The following SMARCC1 variants were observed in gnomAD, a reference collection of about 807,000 sequenced individuals.
SMARCC1 encodes SWI/SNF complex subunit SMARCC1.
A neutral mutation model predicts 147.4 loss-of-function variants in SMARCC1; 43 were observed. The observed-to-expected ratio is 0.29, with a 90% CI of 0.23 to 0.38. SMARCC1 has a LOEUF of 0.38. SMARCC1 is among the 10% of genes least tolerant of loss of function. The pLI, the probability that SMARCC1 is intolerant of heterozygous loss-of-function variation, is 1.00. For synonymous variants in SMARCC1, 495 were observed against 484.4 expected (o/e 1.02, Z -0.29); for missense variants, 1,119 against 1,381.1 (o/e 0.81, Z 3.01).
At chr3:47,663,710 G>A in intron 19 of SMARCC1, 1 of 1,499,286 alleles carries the variant, frequency 6.7e-7, no homozygotes, top group East Asian at 2.3e-5. Context: ...CAGGAATCCA[G>A]AGAGTTTCAA....
intron 14 of SMARCC1, among the ~76,000 whole-genome samples, chr3:47,683,711 G>A (rs1290806007): frequency 6.6e-6 from 1 of 151,884 alleles, no homozygotes; most frequent in Non-Finnish European, 1.5e-5. Flanking sequence ...GCAACAGACT[G>A]AGACTCCGTC....
intron 3 of SMARCC1, among the ~76,000 whole-genome samples, chr3:47,743,710 G>A (rs892668487): frequency 2.6e-5 from 4 of 151,810 alleles, no homozygotes; most frequent in Admixed American, 2.0e-4. Flanking sequence ...CTACTCAGGA[G>A]GGTGAGGCAG....
intron 1 of SMARCC1, among the ~76,000 whole-genome samples, chr3:47,776,760 G>A (rs1354252810): frequency 1.3e-5 from 2 of 151,220 alleles, no homozygotes; most frequent in Non-Finnish European, 2.9e-5. Context: ...TAAATATATA[G>A]ATGTAAATAT....
chr3:47,647,601 T>C (rs1243602747), intron 21 of SMARCC1, among the ~76,000 whole-genome samples: 1 of 152,226 alleles, frequency 6.6e-6, no homozygotes, highest in Non-Finnish European at 1.5e-5. Flanking sequence ...TGGATATCTT[T>C]TAAGAGTATA....
At chr3:47,693,382 T>C in intron 11 of SMARCC1, 82 bp from the exon 12 acceptor site, 1 of 772,548 alleles carries the variant, frequency 1.3e-6, no homozygotes, top group Non-Finnish European at 2.2e-6. Flanking sequence ...AGGACATGAT[T>C]AAACGACATG....
chr3:47,595,543 AT>A (rs2032260552), intron 26 of SMARCC1, among the ~76,000 whole-genome samples: 2 of 806 alleles, frequency 2.5e-3, no homozygotes, highest in Admixed American at 0.12. Flanking sequence ...AAATAAATAA[AT>A]AAAATAAAAT....
intron 2 of SMARCC1, among the ~76,000 whole-genome samples, chr3:47,757,439 T>C (rs940125633): frequency 1.3e-5 from 2 of 151,846 alleles, no homozygotes; most frequent in African/African-American, 4.8e-5. Flanking sequence ...ATAACCAAAA[T>C]GTAAAAGACA....
intron 26 of SMARCC1, among the ~76,000 whole-genome samples, chr3:47,598,862 G>GACAA (rs1553672022): frequency 2.3e-5 from 3 of 128,132 alleles, no homozygotes; most frequent in African/African-American, 9.4e-5. Flanking sequence ...GAGAGAGAGA[G>GACAA]ACACACACAC....
intron 5 of SMARCC1, among the ~76,000 whole-genome samples, chr3:47,730,329 A>G (rs1033246572): frequency 6.6e-6 from 1 of 152,170 alleles, no homozygotes; most frequent in Non-Finnish European, 1.5e-5. Context: ...CTCAAATTAA[A>G]AAAGAAATTA....
intron 16 of SMARCC1, among the ~76,000 whole-genome samples, chr3:47,677,893 G>A (rs1204593657): frequency 6.6e-6 from 1 of 152,104 alleles, no homozygotes; most frequent in East Asian, 1.9e-4. Flanking sequence ...GCTCATGCCT[G>A]CAATCACAAT....
chr3:47,658,847 C>T (rs190966795), intron 21 of SMARCC1, among the ~76,000 whole-genome samples: 35 of 152,236 alleles, frequency 2.3e-4, no homozygotes, highest in African/African-American at 7.5e-4. Context: ...GGGCTAGGCA[C>T]GGTGGCTTAC....
At chr3:47,652,949 C>CTT (rs55872948) in intron 21 of SMARCC1, among the ~76,000 whole-genome samples, 3,152 of 129,624 alleles carry the variant, frequency 0.024, 136 homozygotes, top group African/African-American at 0.06. Flanking sequence ...GCTTTACTTT[C>CTT]TTTTTTTTTT....
At chr3:47,742,273 GAA>G (rs779000438) in intron 3 of SMARCC1, among the ~76,000 whole-genome samples, 1 of 123,294 alleles carries the variant, frequency 8.1e-6, no homozygotes. Flanking sequence ...TCTCAAAAAA[GAA>G]AAAAAAAAAA....
At chr3:47,597,465 TACAGGCACCCGCCACC>T (rs1337707065) in intron 26 of SMARCC1, among the ~76,000 whole-genome samples, 1 of 152,186 alleles carries the variant, frequency 6.6e-6, no homozygotes, top group East Asian at 1.9e-4. Flanking sequence ...TAGCTAGGAC[TACAGGCACCCGCCACC>T]ACGCCCGGCT....
At chr3:47,769,917 G>A (rs2034886624) in intron 2 of SMARCC1, among the ~76,000 whole-genome samples, 1 of 152,142 alleles carries the variant, frequency 6.6e-6, no homozygotes, top group South Asian at 2.1e-4. Flanking sequence ...AAATGGATAA[G>A]AGAGTGACAT....
intron 26 of SMARCC1, among the ~76,000 whole-genome samples, chr3:47,594,788 C>T (rs376656324): frequency 3.3e-5 from 5 of 152,128 alleles, no homozygotes; most frequent in Non-Finnish European, 5.9e-5. Flanking sequence ...ATCCTTGTGG[C>T]GGGACTGTGA....
At chr3:47,734,504 A>G (rs1393788366) in intron 5 of SMARCC1, among the ~76,000 whole-genome samples, 1 of 152,188 alleles carries the variant, frequency 6.6e-6, no homozygotes, top group Non-Finnish European at 1.5e-5. Context: ...AAAAAAAGAC[A>G]TTTCATGAGG....
intron 21 of SMARCC1, among the ~76,000 whole-genome samples, chr3:47,655,194 C>G (rs952266068): frequency 2.6e-5 from 4 of 152,140 alleles, no homozygotes; most frequent in Non-Finnish European, 5.9e-5. Context: ...CACTAGCTAG[C>G]AATTTTAATT....
At chr3:47,749,670 A>AACACACACACGCACACACACACAC (rs2034604159) in intron 2 of SMARCC1, among the ~76,000 whole-genome samples, 1 of 92,414 alleles carries the variant, frequency 1.1e-5, no homozygotes, top group African/African-American at 3.3e-5. Flanking sequence ...CTCTAAATTA[A>AACACACACACGCACACACACACAC]ACACACACAC....
Sources: allele counts gnomAD v4.1 joint callset (sites outside exome capture counted in the v4.1 genomes callset), GRCh38; gene constraint gnomAD v4.1.1; transcripts MANE v1.5; gene names NCBI Gene and HGNC (gene_info 2026-07-23, HGNC 2026-07-21).